Variants in PADI1 observed in about 807,000 individuals in gnomAD.
PADI1 encodes peptidyl arginine deiminase 1.
Under a neutral mutation model 74.8 loss-of-function variants are expected in PADI1, and 65 were observed. The ratio of observed to expected loss-of-function variants is 0.87; its 90% confidence interval spans 0.71 to 1.07. The LOEUF (loss-of-function observed/expected upper bound fraction) is 1.07. Among genes scored for constraint, PADI1 ranks in the 50% least tolerant of loss-of-function variants. The probability of loss-of-function intolerance (pLI) is 0.00; values close to 1 mark genes in which losing one functional copy is unlikely to be tolerated. For synonymous variants in PADI1, 371 were observed against 336.2 expected (o/e 1.10, Z -1.13); for missense variants, 943 against 854.0 (o/e 1.10, Z -1.30).
At chr1:17,210,080 T>C (rs1041986946) in intron 1 of PADI1, among the ~76,000 whole-genome samples, 3 of 152,162 alleles carry the variant, frequency 2.0e-5, no homozygotes, top group African/African-American at 7.2e-5. Context: ...CCTCAGGTGA[T>C]CTGCCCACCT....
At chr1:17,222,683 A>T (rs2072191560) in intron 2 of PADI1, among the ~76,000 whole-genome samples, 1 of 152,164 alleles carries the variant, frequency 6.6e-6, no homozygotes, top group Admixed American at 6.5e-5. Flanking sequence ...ACACATGTAC[A>T]CGTGAGTACT....
chr1:17,239,630 T>G, intron 13 of PADI1, 74 bp from the exon 14 acceptor site: 2 of 1,114,214 alleles, frequency 1.8e-6, no homozygotes, highest in Non-Finnish European at 2.7e-6. Context: ...CTGGCCTGGA[T>G]TATGTAGCCC....
chr1:17,210,724 C>T (rs539592146), intron 1 of PADI1, among the ~76,000 whole-genome samples: 38 of 152,292 alleles, frequency 2.5e-4, no homozygotes, highest in Admixed American at 7.2e-4. Flanking sequence ...GCTGAGGGGT[C>T]TGGGACATCA....
chr1:17,229,598 C>T (rs1205651478), intron 8 of PADI1, among the ~76,000 whole-genome samples: 1 of 152,234 alleles, frequency 6.6e-6, no homozygotes, highest in East Asian at 1.9e-4. Flanking sequence ...CACAGTTGAG[C>T]TGGTCATAAG....
Position 17,229,044 on chromosome 1 carries a change from G to C in PADI1, c.922G>C (p.Val308Leu). Residue 308 changes from valine (V) to leucine (L), a missense_variant, in exon 8 of 16, where the codon GTG (valine) becomes CTG (leucine). Physicochemically the swap from Val to Leu is conservative, Grantham distance 32. Coordinates refer to ENST00000375471, the MANE Select transcript of PADI1 (RefSeq NM_013358.3). ...CACTCAGCCTCCTGAGGAGCTGTAT[G>C]TGTGCAGGTGAGGCTCCCTCCCTCC... ...PNTQPPEELY[V>L]CRVMDTHGSN... 1 of 1,558,770 alleles carries C rather than the reference G, an allele frequency of 6.4e-7. No homozygotes were observed. The highest frequency in any genetic ancestry group is 8.7e-7 in the Non-Finnish European group (1 of 1,148,124).
rs558735947 is a variant in PADI1, at chr1:17,210,787, T to C, written c.92+5478T>C. On this transcript the variant is annotated intron_variant, in intron 1 of 15. Coordinates refer to ENST00000375471, the MANE Select transcript of PADI1 (RefSeq NM_013358.3). ...GCCCCAGCCAGCCCCGGGGAGAGGA[T>C]GCAGGGGAAAGCTAAAGCCAGGGTT... 2.0e-5 allele frequency among the ~76,000 whole-genome samples: 3 copies of C among 152,272 alleles called. No homozygotes were observed. In the East Asian group the frequency reaches 5.8e-4, roughly 29 times the overall value.
rs1469927326 is a variant in PADI1 at position 17,230,553 on chromosome 1, T to C, written c.1054-19T>C. On this transcript the variant is annotated intron_variant, in intron 9 of 15. Transcript: ENST00000375471. ...ACCCGAAAAAGGTCACTGTGGCTTT[T>C]TCATCTCTCCCCTCCCAGGACGAGA... 9.6e-6 allele frequency: 15 copies of C among 1,566,144 alleles called. No individual in the cohort carries two copies. In the African/African-American group the frequency reaches 1.1e-4, roughly 11 times the overall value.
In PADI1 at chr1:17,225,908, G is replaced by A. The variant is rs1202719446; in HGVS notation, c.506G>A (p.Ser169Asn). ...HRSAEPDLTH[S>N]WLMSLADLQD... ...TCCGCAGAGCCTGACCTCACCCACA[G>A]CTGGCTGATGTCGCTGGCTGGTGAG... Residue 169 changes from serine to asparagine, a missense_variant, in exon 5 of 16, where the codon AGC becomes AAC. By Grantham distance (46) the Ser-to-Asn change is conservative. Coordinates refer to ENST00000375471, the MANE Select transcript of PADI1 (RefSeq NM_013358.3). 1 of 1,613,986 alleles carries A rather than the reference G, an allele frequency of 6.2e-7. No individual in the cohort carries two copies. Among genetic ancestry groups the A allele is most frequent in the South Asian group, 1.1e-5 (1 of 91,080 alleles).
At chr1:17,236,845 G>A (rs113198561) in intron 11 of PADI1, among the ~76,000 whole-genome samples, 2,585 of 152,142 alleles carry the variant, frequency 0.017, 50 homozygotes, top group Middle Eastern at 0.068. Flanking sequence ...GAAAGAAGAG[G>A]CAGTTAAAGA....
At chr1:17,224,272 CT>C in intron 3 of PADI1, 94 bp from the exon 4 acceptor site, 1 of 1,019,532 alleles carries the variant, frequency 9.8e-7, no homozygotes, top group Non-Finnish European at 1.5e-6. Flanking sequence ...TCCTCACGGG[CT>C]TGGGGAGGGG....
chr1:17,210,776 C>T (rs1222512820), intron 1 of PADI1, among the ~76,000 whole-genome samples: 5 of 152,288 alleles, frequency 3.3e-5, no homozygotes, highest in South Asian at 2.1e-4. Flanking sequence ...CAGCCAGCCC[C>T]GGGGAGAGGA....
chr1:17,211,272 C>T (rs983821759), intron 1 of PADI1, among the ~76,000 whole-genome samples: 4 of 151,988 alleles, frequency 2.6e-5, no homozygotes, highest in Admixed American at 1.3e-4. Flanking sequence ...TGCAGTGGCA[C>T]GATCTTGGCT....
intron 13 of PADI1, among the ~76,000 whole-genome samples, chr1:17,239,444 A>G (rs764288066): frequency 6.6e-6 from 1 of 152,168 alleles, no homozygotes; most frequent in Non-Finnish European, 1.5e-5. Context: ...GCAGACATTC[A>G]ATAATGGTAG....
intron 1 of PADI1, among the ~76,000 whole-genome samples, chr1:17,210,343 G>A (rs2071802102): frequency 6.6e-6 from 1 of 151,866 alleles, no homozygotes; most frequent in Non-Finnish European, 1.5e-5. Context: ...ATTTTACCTT[G>A]AGGAATTCCA....
intron 12 of PADI1, 121 bp downstream of exon 12, chr1:17,237,579 A>T (rs942281837): frequency 7.1e-6 from 7 of 985,480 alleles, no homozygotes; most frequent in Non-Finnish European, 9.9e-6. Context: ...CTGGATTGGG[A>T]CATTTTCTGG....
At chr1:17,243,096 C>G (rs1046957723) in intron 15 of PADI1, among the ~76,000 whole-genome samples, 48 of 152,332 alleles carry the variant, frequency 3.2e-4, no homozygotes, top group African/African-American at 1.1e-3. Flanking sequence ...AAACTCAAGA[C>G]AGCCCAGAGC....
At chr1:17,231,204 C>T (rs1394976667) in intron 10 of PADI1, among the ~76,000 whole-genome samples, 4 of 152,174 alleles carry the variant, frequency 2.6e-5, no homozygotes, top group East Asian at 1.9e-4. Flanking sequence ...CCATGGCTTA[C>T]CTTATGTATT....
chr1:17,230,539 G>A (rs372997487), intron 9 of PADI1, 33 bp from the exon 10 acceptor site: 62 of 1,470,462 alleles, frequency 4.2e-5, no homozygotes, highest in Non-Finnish European at 5.8e-5. Context: ...CCCGAAAAAG[G>A]TCACTGTGGC....
At chr1:17,224,530 A>C (rs1293345495) in intron 4 of PADI1, 102 bp downstream of exon 4, 2 of 909,742 alleles carry the variant, frequency 2.2e-6, no homozygotes, top group African/African-American at 3.3e-5. Flanking sequence ...ATGGATCCCC[A>C]GGGTCTGTAG....
Sources: gnomAD v4.1 joint callset for allele counts (sites outside exome capture counted in the v4.1 genomes callset) on GRCh38, gnomAD v4.1.1 for gene constraint, MANE v1.5 for transcripts, NCBI Gene and HGNC (gene_info 2026-07-23, HGNC 2026-07-21) for gene names.